Variants in CHLSN observed in about 807,000 individuals in gnomAD.
The protein encoded by CHLSN is protein cholesin.
the CHLSN span, chr7:1,092,020 TTCA>T: frequency 1.9e-6 from 3 of 1,614,078 alleles, no homozygotes; most frequent in Admixed American, 1.7e-5. Flanking sequence ...CGACCTGTAC[TTCA>T]TCAACCTGGC....
the CHLSN span, chr7:983,065 G>T: frequency 1.0e-5 from 7 of 667,518 alleles, no homozygotes; most frequent in Admixed American, 3.8e-5. Context: ...TAAGCCATCC[G>T]CTGGGGGCTG....
chr7:980,940 A>G, the CHLSN span, among the ~76,000 whole-genome samples: 10 of 151,324 alleles, frequency 6.6e-5, no homozygotes, highest in African/African-American at 2.2e-4. Flanking sequence ...TGATCCGCCC[A>G]CCTCAGCCTC....
the CHLSN span, among the ~76,000 whole-genome samples, chr7:1,027,314 T>C: frequency 6.8e-4 from 104 of 152,326 alleles, 1 homozygote; most frequent in Admixed American, 6.8e-3. Flanking sequence ...ATTCCCGCCG[T>C]CTCTGCAGCC....
chr7:1,134,896 A>C, the CHLSN span, among the ~76,000 whole-genome samples: 24 of 148,388 alleles, frequency 1.6e-4, no homozygotes, highest in African/African-American at 1.0e-4. Flanking sequence ...TAAATAAATA[A>C]ATACATAAAG....
the CHLSN span, chr7:1,055,623 G>A: frequency 8.6e-6 from 3 of 346,904 alleles, no homozygotes; most frequent in Non-Finnish European, 1.7e-5. Context: ...TGCCACCGGT[G>A]GACATCTCTA....
At chr7:1,091,944 C>T in the CHLSN span, 22 of 1,614,066 alleles carry the variant, frequency 1.4e-5, no homozygotes, top group East Asian at 8.9e-5. Context: ...TCTTCCCCAT[C>T]GGCTTTGTGG....
chr7:1,054,844 A>T, the CHLSN span, among the ~76,000 whole-genome samples: 1 of 152,210 alleles, frequency 6.6e-6, no homozygotes, highest in African/African-American at 2.4e-5. Flanking sequence ...TTCCGACCTG[A>T]ACCTGCCCTC....
chr7:1,028,315 C>A, the CHLSN span: 4 of 1,039,212 alleles, frequency 3.8e-6, no homozygotes, highest in Non-Finnish European at 4.6e-6. Context: ...GGGATGCGCC[C>A]GCAGTGCGCA....
chr7:1,106,530 C>T, the CHLSN span, among the ~76,000 whole-genome samples: 1 of 152,156 alleles, frequency 6.6e-6, no homozygotes, highest in Non-Finnish European at 1.5e-5. Flanking sequence ...ACAGAGTCTG[C>T]TGGCAGCATA....
the CHLSN span, among the ~76,000 whole-genome samples, chr7:995,890 G>A: frequency 6.6e-6 from 1 of 152,210 alleles, no homozygotes; most frequent in Non-Finnish European, 1.5e-5. Context: ...GGGGCTGGAT[G>A]CTGGCCAAGG....
chr7:1,071,828 T>C, the CHLSN span, among the ~76,000 whole-genome samples: 1 of 152,208 alleles, frequency 6.6e-6, no homozygotes, highest in Non-Finnish European at 1.5e-5. Flanking sequence ...GCCTTGCCCC[T>C]GTGGGACTCA....
At chr7:996,865 ACGCCACACACAGAG>A in the CHLSN span, 7 of 152,232 alleles carry the variant, frequency 4.6e-5, no homozygotes, top group Non-Finnish European at 1.0e-4. Flanking sequence ...ACTGCCAGGA[ACGCCACACACAGAG>A]CGCCCCCAAT....
At chr7:978,032 G>C in the CHLSN span, among the ~76,000 whole-genome samples, 6 of 152,364 alleles carry the variant, frequency 3.9e-5, no homozygotes, top group African/African-American at 1.2e-4. Context: ...CAGCCGCTTA[G>C]CAGTGGAAGG....
chr7:1,053,198 C>T, the CHLSN span, among the ~76,000 whole-genome samples: 3 of 152,206 alleles, frequency 2.0e-5, no homozygotes, highest in Admixed American at 6.5e-5. Flanking sequence ...GGCAAGGAGT[C>T]GAAGGCTCCA....
chr7:1,132,808 A>G, the CHLSN span, among the ~76,000 whole-genome samples: 1 of 152,076 alleles, frequency 6.6e-6, no homozygotes, highest in African/African-American at 2.4e-5. Context: ...CTAACAACTC[A>G]ACAACAGGAG....
chr7:1,081,704 G>C, the CHLSN span, among the ~76,000 whole-genome samples: 2 of 149,520 alleles, frequency 1.3e-5, no homozygotes, highest in African/African-American at 4.9e-5. Context: ...GGCGCAGCCT[G>C]GGGGAGGGAC....
At chr7:1,117,300 T>G in the CHLSN span, among the ~76,000 whole-genome samples, 1 of 66,018 alleles carries the variant, frequency 1.5e-5, no homozygotes, top group Non-Finnish European at 2.9e-5. Context: ...GATGATGACA[T>G]CACTACAGCT....
chr7:1,020,100 C>G, the CHLSN span, among the ~76,000 whole-genome samples: 1 of 152,246 alleles, frequency 6.6e-6, no homozygotes, highest in Non-Finnish European at 1.5e-5. Flanking sequence ...GTGGTGGTGT[C>G]TGCTGCTCTG....
chr7:1,078,651 G>C, the CHLSN span, among the ~76,000 whole-genome samples: 1 of 152,214 alleles, frequency 6.6e-6, no homozygotes, highest in African/African-American at 2.4e-5. Context: ...CACTCCCGGG[G>C]GGTTGGCTAG....
Sources: allele counts gnomAD v4.1 joint callset (sites outside exome capture counted in the v4.1 genomes callset), GRCh38; gene constraint gnomAD v4.1.1; transcripts MANE v1.5; gene names NCBI Gene and HGNC (gene_info 2026-07-23, HGNC 2026-07-21).